Variants in ZNF493 observed in about 807,000 individuals in gnomAD.
ZNF493 encodes the protein zinc finger protein 493.
Under a neutral mutation model 12.2 loss-of-function variants are expected in ZNF493, and 11 were observed. That is an observed-to-expected ratio of 0.90 (90% CI 0.57 to 1.50). The LOEUF (loss-of-function observed/expected upper bound fraction) is 1.50, where lower values mean the gene tolerates loss of function less well. Ranked by LOEUF, ZNF493 falls within the 40% of genes most tolerant of loss-of-function variation. The pLI, the probability that ZNF493 is intolerant of heterozygous loss-of-function variation, is 0.00. For missense variants in ZNF493, 950 were observed against 906.6 expected (o/e 1.05, Z -0.61); for synonymous variants, 286 against 302.6 (o/e 0.95, Z 0.57).
chr19:21,414,279 C>T (rs1195526302), intron 3 of ZNF493: 2 of 152,220 alleles, frequency 1.3e-5, no homozygotes, highest in African/African-American at 4.8e-5. Context: ...TTCCAATCCT[C>T]GAGGATTAAC....
chr19:21,397,215 A>T lies in ZNF493; in HGVS notation c.-23A>T, dbSNP rs1974183782. 1 of 1,614,168 alleles carries T rather than the reference A, an allele frequency of 6.2e-7. No homozygotes were observed. Among genetic ancestry groups the T allele is most frequent in the Non-Finnish European group, 8.5e-7 (1 of 1,180,008 alleles). ...GCGTGTGTGGCTTCGTGACCTGAAGATACTGGGAAATCCATAGCTAAGATG... is the reference window on the plus strand; with the variant it reads ...GCGTGTGTGGCTTCGTGACCTGAAGTTACTGGGAAATCCATAGCTAAGATG... On this transcript the variant is annotated 5_prime_UTR_variant, in exon 1 of 4. Transcript: ENST00000392288.
chr19:21,425,850 A>G lies in ZNF493; in HGVS notation c.*866A>G, dbSNP rs990627241. ...ACATAATTAATGATGGAGAGAAACC[A>G]TACAACTGTGAAGAATGTGGCAAAG... On this transcript the variant is annotated 3_prime_UTR_variant, in exon 4 of 4. Coordinates refer to ENST00000392288, the MANE Select transcript of ZNF493 (RefSeq NM_001076678.3). The G allele has an allele frequency of 2.8e-5, 16 of 570,268 alleles. No homozygotes were observed. In the African/African-American group the frequency reaches 2.9e-4, roughly 10 times the overall value. 35.3% of individuals were successfully genotyped at this position (570,268 alleles called of 1,614,324 possible).
At position 21,423,244 on chromosome 19, in the gene ZNF493, A is replaced by G. The variant is rs1401366957; in HGVS notation, c.585A>G (p.Leu195=). 1 of 1,613,892 alleles carries G rather than the reference A, an allele frequency of 6.2e-7. No individual in the cohort carries two copies. The highest frequency in any genetic ancestry group is 1.3e-5 in the African/African-American group (1 of 75,060). ...GTGGCAAATCATTTTGCATGCTTTT[A>G]CACCTATGTCAGCATAAAAGAATTC... ...KKCGKSFCML[L]HLCQHKRIHI... The change falls in exon 4 of 4, where the codon TTA becomes TTG. Residue 195 remains leucine, a synonymous_variant. Transcript: ENST00000392288.
chr19:21,424,408 T>G lies in ZNF493; in HGVS notation c.1749T>G (p.Ser583Arg). 1 of 1,610,462 alleles carries G rather than the reference T, an allele frequency of 6.2e-7. No individual in the cohort carries two copies. Among genetic ancestry groups the G allele is most frequent in the Non-Finnish European group, 8.5e-7 (1 of 1,178,790 alleles). The stretch of plus-strand genomic sequence containing the variant: ...GTAAAGAATGTGGCAAATCCTTTAG[T>G]GTATTCTCAACCCTTACTAAACACA... ...YKCKECGKSFSVFSTLTKHKI... is the reference protein window; with the variant it reads ...YKCKECGKSFRVFSTLTKHKI... The change falls in exon 4 of 4, where the codon AGT (serine) becomes AGG (arginine). Residue 583 changes from serine (S) to arginine (R), a missense_variant. Transcript: ENST00000392288.
rs1046931461 is a variant in ZNF493, at chr19:21,427,240, T to A, written c.*2256T>A. The A allele has an allele frequency of 6.0e-6, 1 of 167,074 alleles. No individual in the cohort carries two copies. Among genetic ancestry groups the A allele is most frequent in the Non-Finnish European group, 1.5e-5 (1 of 68,126 alleles). The allele number at this position is 167,074 out of a possible 1,614,324, so 10.3% of individuals were successfully genotyped here. Reference sequence around the variant, plus strand: ...CACAAGGTAGGTGTTAAGAGTAATATTCTTTTGCATTATGAGAAAACTAGT... The same window carrying A: ...CACAAGGTAGGTGTTAAGAGTAATAATCTTTTGCATTATGAGAAAACTAGT... On this transcript the variant is annotated 3_prime_UTR_variant, in exon 4 of 4. Coordinates refer to ENST00000392288, the MANE Select transcript of ZNF493 (RefSeq NM_001076678.3).
intron 3 of ZNF493, among the ~76,000 whole-genome samples, chr19:21,415,523 G>A (rs2030461072): frequency 1.3e-5 from 2 of 152,142 alleles, no homozygotes; most frequent in African/African-American, 4.8e-5. Context: ...ATTTTGTCAG[G>A]AGCCATAAGT....
chr19:21,400,892 A>G (rs2029918496), intron 1 of ZNF493, among the ~76,000 whole-genome samples: 1 of 152,234 alleles, frequency 6.6e-6, no homozygotes, highest in Non-Finnish European at 1.5e-5. Context: ...GAATCCTGTC[A>G]TCTGCACACA....
chr19:21,423,739 G>C lies in ZNF493; in HGVS notation c.1080G>C (p.Glu360Asp), dbSNP rs767302671. 1 of 1,611,852 alleles carries C rather than the reference G, an allele frequency of 6.2e-7. No homozygotes were observed. Among genetic ancestry groups the C allele is most frequent in the Non-Finnish European group, 8.5e-7 (1 of 1,179,136 alleles). The change falls in exon 4 of 4, where the codon GAG becomes GAC. Residue 360 changes from glutamate to aspartate, a missense_variant. Coordinates refer to ENST00000392288, the MANE Select transcript of ZNF493 (RefSeq NM_001076678.3). ...AAGAATATTGCAAAGCTTATAAGGA[G>C]TCCTCACACCTTACTACACATAAAA... Reference protein sequence around the residue: ...RCEEYCKAYKESSHLTTHKRI... With the variant: ...RCEEYCKAYKDSSHLTTHKRI...
chr19:21,405,907 TAAAAA>T (rs386388731), intron 3 of ZNF493, 51 bp downstream of exon 3: 14 of 180,410 alleles, frequency 7.8e-5, no homozygotes, highest in Middle Eastern at 2.2e-3. Flanking sequence ...TTGAAAGATT[TAAAAA>T]AAAAAAAAAA....
chr19:21,417,113 A>C (rs891580061), intron 3 of ZNF493, among the ~76,000 whole-genome samples: 1 of 152,172 alleles, frequency 6.6e-6, no homozygotes, highest in African/African-American at 2.4e-5. Flanking sequence ...TCAGGTTCCC[A>C]TCTTTATCAA....
rs1393241090 is a variant in ZNF493 at position 21,405,218 on chromosome 19, A to G, written c.120A>G (p.Lys40=). ...CTGCTCAGCAGGATTTGTATAGGAA[A>G]GTGATGTTAGAGAACTACAGAAACC... is the stretch of plus-strand genomic sequence containing the variant. ...LDTAQQDLYR[K]VMLENYRNLV... Residue 40 remains lysine, a synonymous_variant, in exon 2 of 4, where the codon AAA becomes AAG. Coordinates refer to ENST00000392288, the MANE Select transcript of ZNF493 (RefSeq NM_001076678.3). 2 of 1,613,936 alleles carry G rather than the reference A, an allele frequency of 1.2e-6. No individual in the cohort carries two copies. The highest frequency in any genetic ancestry group is 1.7e-6 in the Non-Finnish European group (2 of 1,180,020).
intron 1 of ZNF493, chr19:21,397,668 A>G (rs1974195040): frequency 9.0e-6 from 4 of 442,384 alleles, no homozygotes; most frequent in Non-Finnish European, 1.6e-5. Context: ...TTAAAAATTT[A>G]TGGGCGTCAC....
chr19:21,407,564 C>A (rs2030173728), intron 3 of ZNF493: 1 of 913,922 alleles, frequency 1.1e-6, no homozygotes, highest in Non-Finnish European at 1.3e-6. Flanking sequence ...GCTGGTATTA[C>A]AGGCGTGAGC....
chr19:21,424,105 T>G lies in ZNF493; in HGVS notation c.1446T>G (p.Ile482Met). Residue 482 changes from isoleucine (I) to methionine (M), a missense_variant, in exon 4 of 4, where the codon ATT becomes ATG. Ile to Met is a conservative substitution (Grantham distance 10). Coordinates refer to ENST00000392288, the MANE Select transcript of ZNF493 (RefSeq NM_001076678.3). Reference protein sequence around the residue: ...RSSTLTKHRIIHTEEKPYKCE... With the variant: ...RSSTLTKHRIMHTEEKPYKCE... ...CAACCCTTACTAAACATAGGATAATTCATACTGAAGAGAAACCCTACAAAT... is the reference window on the plus strand; with the variant it reads ...CAACCCTTACTAAACATAGGATAATGCATACTGAAGAGAAACCCTACAAAT... 6.2e-7 allele frequency: 1 copy of G among 1,612,818 alleles called. No homozygotes were observed. The highest frequency in any genetic ancestry group is 8.5e-7 in the Non-Finnish European group (1 of 1,179,314).
At chr19:21,408,380 T>C (rs1298358686) in intron 3 of ZNF493, 8 of 950,822 alleles carry the variant, frequency 8.4e-6, no homozygotes, top group Non-Finnish European at 1.0e-5. Flanking sequence ...TCCACCCGCC[T>C]TGGCCTCCTG....
chr19:21,410,881 C>T (rs967347908), intron 3 of ZNF493, among the ~76,000 whole-genome samples: 1 of 152,050 alleles, frequency 6.6e-6, no homozygotes, highest in Non-Finnish European at 1.5e-5. Context: ...CAACTTCTGT[C>T]TTCCAAGTTC....
intron 3 of ZNF493, among the ~76,000 whole-genome samples, chr19:21,418,040 T>C (rs2030546298): frequency 6.6e-6 from 1 of 152,214 alleles, no homozygotes; most frequent in African/African-American, 2.4e-5. Flanking sequence ...GCCAAGCCTC[T>C]ATATCACTCT....
At chr19:21,405,352 G>A in intron 2 of ZNF493, 97 bp downstream of exon 2, 4 of 1,526,522 alleles carry the variant, frequency 2.6e-6, no homozygotes, top group Non-Finnish European at 3.5e-6. Flanking sequence ...CTTTGCATAA[G>A]TGAGTTTCTG....
chr19:21,409,149 G>C (rs1202339902), intron 3 of ZNF493, among the ~76,000 whole-genome samples: 1 of 152,014 alleles, frequency 6.6e-6, no homozygotes, highest in African/African-American at 2.4e-5. Context: ...CTCCCAAAGT[G>C]CTGGGATCAG....
Sources: gnomAD v4.1 joint callset for allele counts (sites outside exome capture counted in the v4.1 genomes callset) on GRCh38, gnomAD v4.1.1 for gene constraint, MANE v1.5 for transcripts, NCBI Gene and HGNC (gene_info 2026-07-23, HGNC 2026-07-21) for gene names.